The following CHRM5 variants were observed in gnomAD, a reference collection of about 807,000 sequenced individuals.
The protein encoded by CHRM5 is muscarinic acetylcholine receptor M5.
CHRM5 carries 18 observed loss-of-function variants against 39.0 expected under a neutral mutation model. That is an observed-to-expected ratio of 0.46 (90% CI 0.32 to 0.68). CHRM5 has a LOEUF of 0.68. CHRM5 is among the 30% of genes least tolerant of loss of function. The pLI is 0.04. For missense variants in CHRM5, 515 were observed against 651.1 expected, an observed-to-expected ratio of 0.79 and a Z score of 2.28; for synonymous variants, 241 against 246.3, an observed-to-expected ratio of 0.98 and a Z score of 0.20.
chr15:34,024,854 CCTT>C, intron 1 of CHRM5, among the ~76,000 whole-genome samples: 1 of 111,302 alleles, frequency 9.0e-6, no homozygotes, highest in South Asian at 2.9e-4. Flanking sequence ...AAGCAAGACT[CCTT>C]CTCAAAAAAA....
chr15:34,031,163 G>C (rs1327543869), intron 1 of CHRM5, among the ~76,000 whole-genome samples: 1 of 108,988 alleles, frequency 9.2e-6, no homozygotes, highest in Non-Finnish European at 1.8e-5. Flanking sequence ...GCTTTGCTTA[G>C]GTTAATTTTT....
intron 1 of CHRM5, chr15:34,007,052 C>T: frequency 1.0e-6 from 1 of 984,286 alleles, no homozygotes; most frequent in East Asian, 1.1e-4. Context: ...CATACCTGGA[C>T]ATCGGTCACT....
At chr15:34,016,005 G>A (rs1010890485) in intron 1 of CHRM5, among the ~76,000 whole-genome samples, 6 of 152,144 alleles carry the variant, frequency 3.9e-5, no homozygotes, top group Admixed American at 2.6e-4. Context: ...GGCTGGGCGC[G>A]GTGGCTCATG....
At chr15:34,050,134 C>T (rs1899882401) in intron 2 of CHRM5, among the ~76,000 whole-genome samples, 1 of 152,062 alleles carries the variant, frequency 6.6e-6, no homozygotes. Flanking sequence ...GTGATCCACC[C>T]ACCTCGGCCT....
At chr15:34,037,775 GC>G in intron 1 of CHRM5, among the ~76,000 whole-genome samples, 1 of 151,784 alleles carries the variant, frequency 6.6e-6, no homozygotes, top group South Asian at 2.1e-4. Context: ...TTTTTTTCCA[GC>G]TCTGTATTGC....
chr15:33,984,014 A>G (rs1244052050), intron 1 of CHRM5, among the ~76,000 whole-genome samples: 4 of 152,130 alleles, frequency 2.6e-5, no homozygotes, highest in Non-Finnish European at 5.9e-5. Flanking sequence ...TTCAGAAAAG[A>G]CTGAGAAACT....
rs572002114 is a variant in CHRM5 at position 34,046,836 on chromosome 15, A to T, written c.-111A>T. On this transcript the variant is annotated 5_prime_UTR_variant, in exon 2 of 3. Coordinates refer to ENST00000383263, the MANE Select transcript of CHRM5 (RefSeq NM_012125.4). The stretch of plus-strand genomic sequence containing the variant: ...GACGGCCCACCTGGGAGCAGCACAG[A>T]GCCAAAGGAACCCCCACCTCCAGCC... The T allele has an allele frequency of 1.3e-5, 2 of 152,480 alleles. No individual in the cohort carries two copies. The highest frequency in any genetic ancestry group is 4.8e-5 in the African/African-American group (2 of 41,596). 9.4% of individuals were successfully genotyped at this position (152,480 alleles called of 1,614,324 possible). A position where few individuals can be genotyped will look rare whatever the true frequency, so the allele number is the denominator to read the frequency against.
At chr15:34,055,187 C>T (rs561467301) in intron 2 of CHRM5, among the ~76,000 whole-genome samples, 4 of 146,882 alleles carry the variant, frequency 2.7e-5, no homozygotes, top group Non-Finnish European at 4.5e-5. Context: ...AGTGAAACTC[C>T]GTCTCAAAAA....
At chr15:33,983,150 GTGTGTGTGTA>G (rs1248295986) in intron 1 of CHRM5, among the ~76,000 whole-genome samples, 7 of 104,152 alleles carry the variant, frequency 6.7e-5, no homozygotes, top group East Asian at 3.7e-4. Context: ...GTGTGTGTGT[GTGTGTGTGTA>G]TGTGTGTGTG....
chr15:33,989,531 C>A (rs1370813728), intron 1 of CHRM5, among the ~76,000 whole-genome samples: 7 of 151,888 alleles, frequency 4.6e-5, no homozygotes, highest in Non-Finnish European at 7.4e-5. Context: ...TTCTATTCCA[C>A]CACCTAAACA....
rs1335157105 is a variant in CHRM5, at chr15:34,038,938, T to C, written c.-407-7602T>C. 4 of 1,094,378 alleles carry C rather than the reference T, an allele frequency of 3.7e-6. No homozygotes were observed. The African/African-American group carries it at 5.6e-5, about 15-fold the overall frequency. The allele number at this position is 1,094,378 out of a possible 1,614,324, so 67.8% of individuals were successfully genotyped here. The stretch of plus-strand genomic sequence containing the variant: ...CCGCCGCCGCCTCCGCCGCCGCCTC[T>C]GGCTACCGCCGCTGCGGCTCCGGGC... On this transcript the variant is annotated intron_variant, in intron 1 of 2. Transcript: ENST00000383263.
chr15:34,007,151 C>T (rs527839828), intron 1 of CHRM5: 3 of 593,088 alleles, frequency 5.1e-6, no homozygotes, highest in South Asian at 1.5e-4. Context: ...GAGCTATTAT[C>T]TTGTCCAATG....
chr15:33,980,526 C>T (rs553655), intron 1 of CHRM5, among the ~76,000 whole-genome samples: 123,679 of 152,108 alleles, frequency 0.81, 55,060 homozygotes, highest in Non-Finnish European at 0.98. Context: ...GCACAAACTA[C>T]GAATATTAAA....
At chr15:34,014,922 A>G (rs773245569) in intron 1 of CHRM5, among the ~76,000 whole-genome samples, 1 of 152,150 alleles carries the variant, frequency 6.6e-6, no homozygotes, top group East Asian at 1.9e-4. Context: ...TAAAAGATAA[A>G]CAGAAAGGAA....
intron 1 of CHRM5, among the ~76,000 whole-genome samples, chr15:34,042,699 G>A (rs534090040): frequency 7.5e-4 from 114 of 151,898 alleles, no homozygotes; most frequent in African/African-American, 2.7e-3. Context: ...CACCGTGCCC[G>A]GCAACCTAAG....
At chr15:33,994,204 C>T (rs1009852071) in intron 1 of CHRM5, among the ~76,000 whole-genome samples, 3 of 152,162 alleles carry the variant, frequency 2.0e-5, no homozygotes, top group African/African-American at 7.2e-5. Context: ...AGTGCCTGAG[C>T]GCCACCTCCT....
chr15:34,064,196 C>A lies in CHRM5; in HGVS notation c.1479C>A (p.Ile493=), dbSNP rs146862800. 5.8e-5 allele frequency: 94 copies of A among 1,614,070 alleles called. No homozygotes were observed. The Middle Eastern group carries it at 1.5e-3, about 25-fold the overall frequency. ...ATGTCAATAGCACTGTCAACCCCATCTGCTATGCCCTCTGCAACAGAACCT... is the reference window on the plus strand; with the variant it reads ...ATGTCAATAGCACTGTCAACCCCATATGCTATGCCCTCTGCAACAGAACCT... ...LCYVNSTVNP[I]CYALCNRTFR... is the part of the protein sequence containing the mutation. The change falls in exon 3 of 3, where the codon ATC becomes ATA. Residue 493 remains isoleucine, a synonymous_variant. Transcript: ENST00000383263.
chr15:33,979,971 G>T (rs558923), intron 1 of CHRM5, among the ~76,000 whole-genome samples: 123,478 of 152,194 alleles, frequency 0.81, 54,972 homozygotes, highest in Non-Finnish European at 0.98. Context: ...TAAATCTCTG[G>T]TTTCTGGGTT....
intron 2 of CHRM5, among the ~76,000 whole-genome samples, chr15:34,048,003 C>T (rs908425404): frequency 2.0e-5 from 3 of 150,926 alleles, no homozygotes; most frequent in Non-Finnish European, 4.4e-5. Context: ...ACTACAGGCA[C>T]ACATCACCAC....
Sources: allele counts gnomAD v4.1 joint callset (sites outside exome capture counted in the v4.1 genomes callset), GRCh38; gene constraint gnomAD v4.1.1; transcripts MANE v1.5; gene names NCBI Gene and HGNC (gene_info 2026-07-23, HGNC 2026-07-21).